VNN2: variants seen among roughly 807,000 people sequenced by gnomAD.
VNN2 encodes the protein vanin 2.
Under a neutral mutation model 43.0 loss-of-function variants are expected in VNN2, and 43 were observed. The observed-to-expected ratio is 1.00, with a 90% CI of 0.78 to 1.29. The LOEUF is 1.29. Among genes scored for constraint, VNN2 ranks in the 50% most tolerant of loss-of-function variants. The pLI is 0.00. For synonymous variants in VNN2, 230 were observed against 224.3 expected (o/e 1.03, Z -0.23); for missense variants, 652 against 619.7 (o/e 1.05, Z -0.55).
intron 5 of VNN2, among the ~76,000 whole-genome samples, chr6:132,750,661 C>CAA (rs746788690): frequency 5.2e-5 from 4 of 76,480 alleles, no homozygotes; most frequent in African/African-American, 1.9e-4. Context: ...GAAATTGTCT[C>CAA]AAAAAAAAAA....
chr6:132,758,105 C>T (rs759499066), upstream of VNN2: 149 of 403,192 alleles, frequency 3.7e-4, no homozygotes, highest in Admixed American at 6.2e-4. Context: ...AATGCAGTGG[C>T]GCAAGCTCAG....
intron 4 of VNN2, 47 bp from the exon 5 acceptor site, chr6:132,751,565 A>G: frequency 6.5e-7 from 1 of 1,550,146 alleles, no homozygotes. Flanking sequence ...ACACACAAAA[A>G]AACCAAAACT....
chr6:132,761,643 G>A (rs1481725435), upstream of VNN2, among the ~76,000 whole-genome samples: 1 of 152,172 alleles, frequency 6.6e-6, no homozygotes, highest in African/African-American at 2.4e-5. Flanking sequence ...CTGCGTGACA[G>A]AGTGAGACTC....
chr6:132,754,991 T>A (rs1265094235), intron 3 of VNN2, among the ~76,000 whole-genome samples: 1 of 152,114 alleles, frequency 6.6e-6, no homozygotes, highest in Non-Finnish European at 1.5e-5. Flanking sequence ...CTGGGCAATG[T>A]AGTGAGACTC....
intron 4 of VNN2, 133 bp downstream of exon 4, chr6:132,752,328 T>A: frequency 9.4e-7 from 1 of 1,063,748 alleles, no homozygotes; most frequent in East Asian, 2.6e-5. Context: ...CTAGCTTTTT[T>A]TTTCTATTGT....
chr6:132,747,441 A>AC (rs1400390034), intron 6 of VNN2, among the ~76,000 whole-genome samples: 1 of 151,908 alleles, frequency 6.6e-6, no homozygotes, highest in Non-Finnish European at 1.5e-5. Flanking sequence ...ATATGGTGAA[A>AC]CCCCATCTCC....
At chr6:132,751,611 G>C (rs879234128) in intron 4 of VNN2, 93 bp from the exon 5 acceptor site, 2 of 1,448,300 alleles carry the variant, frequency 1.4e-6, no homozygotes, top group Non-Finnish European at 1.8e-6. Context: ...ATGTGATCAC[G>C]CCACCATATT....
At chr6:132,759,129 CAAT>C (rs1342445442), upstream of VNN2, among the ~76,000 whole-genome samples, 5 of 152,032 alleles carry the variant, frequency 3.3e-5, no homozygotes, top group South Asian at 4.1e-4. Context: ...CAAATAACAA[CAAT>C]GAGTTTAAAA....
chr6:132,758,553 T>TA (rs1780640777), upstream of VNN2, among the ~76,000 whole-genome samples: 1 of 152,284 alleles, frequency 6.6e-6, no homozygotes, highest in South Asian at 2.1e-4. Context: ...AACTCTCGTG[T>TA]AAAAAAATCA....
At chr6:132,758,693 G>A (rs1250988787), upstream of VNN2, among the ~76,000 whole-genome samples, 2 of 152,096 alleles carry the variant, frequency 1.3e-5, no homozygotes, top group African/African-American at 4.8e-5. Context: ...CTAAGAAAAT[G>A]TAACACAGGA....
upstream of VNN2, among the ~76,000 whole-genome samples, chr6:132,759,689 G>A (rs558334088): frequency 1.2e-4 from 18 of 152,210 alleles, no homozygotes; most frequent in African/African-American, 4.3e-4. Flanking sequence ...TGTTAAGAAT[G>A]GGGCCTAGGG....
Position 132,751,151 on chromosome 6 carries a change from G to C in VNN2, c.1194C>G (p.Tyr398Ter), listed in dbSNP as rs1224934163. 3 of 1,590,540 alleles carry C rather than the reference G, an allele frequency of 1.9e-6. No homozygotes were observed. The highest frequency in any genetic ancestry group is 2.6e-6 in the Non-Finnish European group (3 of 1,168,674). The change falls in exon 5 of 7, where the codon TAC becomes TAG. Residue 398 changes from tyrosine to a stop codon, truncating the protein, a stop_gained. Coordinates refer to ENST00000326499, the MANE Select transcript of VNN2 (RefSeq NM_004665.6). LOFTEE classifies it high-confidence loss of function. ...TGLHGRRRRE[Y>*]WQVCTLLKCK... ...TCATTTGAACTGAAATTACCTGCCA[G>C]TACTCTCTTCTCCTTCGGCCATGTA...
rs375557940 is a variant in VNN2, at chr6:132,757,895, A to T, written c.-12T>A. 353 of 1,606,082 alleles carry T rather than the reference A, an allele frequency of 2.2e-4. No homozygotes were observed. The highest frequency in any genetic ancestry group is 3.0e-4 in the Non-Finnish European group (347 of 1,174,706). On this transcript the variant is annotated 5_prime_UTR_variant, in exon 1 of 7. Coordinates refer to ENST00000326499, the MANE Select transcript of VNN2 (RefSeq NM_004665.6). ...GAGGAAGTGACCATGGCCAAGGTTT[A>T]GTGATTTCTGAAAGCAAAAATAACA...
intron 6 of VNN2, among the ~76,000 whole-genome samples, chr6:132,748,081 T>A (rs33961073): frequency 2.0e-5 from 3 of 152,206 alleles, no homozygotes; most frequent in Non-Finnish European, 4.4e-5. Context: ...TCAGTTTAAA[T>A]CTTCAGGCTT....
At chr6:132,754,424 G>A (rs1780331800) in intron 3 of VNN2, among the ~76,000 whole-genome samples, 1 of 152,106 alleles carries the variant, frequency 6.6e-6, no homozygotes, top group African/African-American at 2.4e-5. Flanking sequence ...TTATGTTAAC[G>A]ATTTTTTCCA....
rs536346697 is a variant in VNN2, at chr6:132,756,911, A to G, written c.344+505T>C. ...AGTAGGACCCAGATTTTTAATATAT[A>G]TTAGAAGGTTTCTAGATAACCTTTT... On this transcript the variant is annotated intron_variant, in intron 2 of 6. Coordinates refer to ENST00000326499, the MANE Select transcript of VNN2 (RefSeq NM_004665.6). Among the ~76,000 whole-genome samples the G allele has an allele frequency of 2.6e-5, 4 of 152,334 alleles. No individual in the cohort carries two copies. The South Asian group carries it at 6.2e-4, about 24-fold the overall frequency.
At chr6:132,754,913 C>T (rs1024408399) in intron 3 of VNN2, among the ~76,000 whole-genome samples, 7 of 152,180 alleles carry the variant, frequency 4.6e-5, no homozygotes, top group African/African-American at 1.2e-4. Flanking sequence ...GTGGCTCATG[C>T]CTCTAATCTC....
At chr6:132,752,968 T>A in intron 3 of VNN2, 1 of 488,454 alleles carries the variant, frequency 2.0e-6, no homozygotes, top group South Asian at 3.3e-5. Flanking sequence ...CTCTCCCTTC[T>A]CTCTCTTTCC....
Position 132,756,055 on chromosome 6 carries a change from A to T in VNN2, c.345-20T>A. The T allele has an allele frequency of 6.6e-7, 1 of 1,517,458 alleles. No homozygotes were observed. The highest frequency in any genetic ancestry group is 8.8e-7 in the Non-Finnish European group (1 of 1,134,726). The allele number at this position is 1,517,458 out of a possible 1,614,324, so 94.0% of individuals were successfully genotyped here. On this transcript the variant is annotated intron_variant, in intron 2 of 6. Transcript: ENST00000326499. ...CCAAATCTAAACCAAATTATAATTAAGAAATTTCAATTTTAAAAAAATATT... is the reference window on the plus strand; with the variant it reads ...CCAAATCTAAACCAAATTATAATTATGAAATTTCAATTTTAAAAAAATATT...
Sources: allele counts gnomAD v4.1 joint callset (sites outside exome capture counted in the v4.1 genomes callset), GRCh38; gene constraint gnomAD v4.1.1; transcripts MANE v1.5; gene names NCBI Gene and HGNC (gene_info 2026-07-23, HGNC 2026-07-21).